The following RAB28 variants were observed in gnomAD, a reference collection of about 807,000 sequenced individuals.
The protein encoded by RAB28 is ras-related protein Rab-28.
A neutral mutation model predicts 31.7 loss-of-function variants in RAB28; 24 were observed. The ratio of observed to expected loss-of-function variants is 0.76; its 90% CI spans 0.55 to 1.06. RAB28 has a LOEUF of 1.06. RAB28 is among the 50% of genes least tolerant of loss of function. The pLI is 0.00. For synonymous variants in RAB28, 100 were observed against 90.4 expected (o/e 1.11, Z -0.60); for missense variants, 254 against 258.5 (o/e 0.98, Z 0.12).
chr4:13,468,913 T>G (rs1052017682), intron 3 of RAB28, among the ~76,000 whole-genome samples: 1 of 151,534 alleles, frequency 6.6e-6, no homozygotes, highest in African/African-American at 2.4e-5. Context: ...CCCATAGACA[T>G]TAAAAAGATA....
intron 3 of RAB28, among the ~76,000 whole-genome samples, chr4:13,471,611 CCCATATCAGTCT>C (rs1180039742): frequency 6.6e-6 from 1 of 152,000 alleles, no homozygotes; most frequent in African/African-American, 2.4e-5. Flanking sequence ...ACGTGATCCT[CCCATATCAGTCT>C]CTCAAGTAGC....
At chr4:13,385,322 G>A (rs958605193) in intron 4 of RAB28, among the ~76,000 whole-genome samples, 1 of 152,062 alleles carries the variant, frequency 6.6e-6, no homozygotes, top group Non-Finnish European at 1.5e-5. Context: ...AGCTAGAGAG[G>A]CCAACATTCA....
chr4:13,405,964 C>T (rs552604005), intron 4 of RAB28, among the ~76,000 whole-genome samples: 9 of 152,152 alleles, frequency 5.9e-5, no homozygotes, highest in African/African-American at 1.9e-4. Flanking sequence ...GAAATCCAAT[C>T]AATGGAAACT....
chr4:13,384,705 A>T (rs1043112904), intron 4 of RAB28, among the ~76,000 whole-genome samples: 2 of 152,182 alleles, frequency 1.3e-5, no homozygotes, highest in African/African-American at 4.8e-5. Flanking sequence ...ATAAAAGAAA[A>T]AAAGTCCAAA....
chr4:13,416,428 G>C (rs1327098133), intron 4 of RAB28, among the ~76,000 whole-genome samples: 1 of 152,016 alleles, frequency 6.6e-6, no homozygotes, highest in Non-Finnish European at 1.5e-5. Flanking sequence ...TCACCGCGAG[G>C]GTCCGCGGCT....
At chr4:13,412,310 C>G (rs911895198) in intron 4 of RAB28, among the ~76,000 whole-genome samples, 1 of 152,074 alleles carries the variant, frequency 6.6e-6, no homozygotes, top group African/African-American at 2.4e-5. Flanking sequence ...AGCATCAATG[C>G]TCAGATTGCT....
At chr4:13,443,236 C>T (rs934174996) in intron 4 of RAB28, among the ~76,000 whole-genome samples, 1 of 151,630 alleles carries the variant, frequency 6.6e-6, no homozygotes, top group Non-Finnish European at 1.5e-5. Flanking sequence ...TGCAGTGGCA[C>T]GATCTCGGCT....
At chr4:13,427,755 A>C (rs1290389248) in intron 4 of RAB28, among the ~76,000 whole-genome samples, 1 of 152,186 alleles carries the variant, frequency 6.6e-6, no homozygotes, top group East Asian at 1.9e-4. Context: ...GAGAGGAAGA[A>C]ACTCATTGAA....
chr4:13,378,608 T>C (rs1357734043), intron 5 of RAB28, among the ~76,000 whole-genome samples: 1 of 151,340 alleles, frequency 6.6e-6, no homozygotes, highest in Non-Finnish European at 1.5e-5. Flanking sequence ...ATCCAGTAGG[T>C]GGAAAAAAAA....
intron 4 of RAB28, among the ~76,000 whole-genome samples, chr4:13,385,568 C>A (rs1337869151): frequency 1.3e-5 from 2 of 152,100 alleles, no homozygotes; most frequent in Admixed American, 1.3e-4. Flanking sequence ...AATTCCAGCC[C>A]AGAATTTCAT....
chr4:13,467,184 TA>T (rs1018205970), intron 3 of RAB28, among the ~76,000 whole-genome samples: 1 of 151,924 alleles, frequency 6.6e-6, no homozygotes, highest in African/African-American at 2.4e-5. Flanking sequence ...GTTCTCAACA[TA>T]AAAAAGTTAT....
rs1344673669 is a variant in RAB28, at chr4:13,456,856, C to T, written c.391+3843G>A. 2.0e-5 allele frequency among the ~76,000 whole-genome samples: 3 copies of T among 152,222 alleles called. No homozygotes were observed. In the South Asian group the frequency reaches 6.2e-4, roughly 32 times the overall value. On this transcript the variant is annotated intron_variant, in intron 4 of 6. Coordinates refer to ENST00000330852, the MANE Select transcript of RAB28 (RefSeq NM_001017979.3). ...TACTCTAGTTACTCTGGATAGTTAA[C>T]CATAAAATTTAACTTTTAATAAAAA...
At chr4:13,440,894 A>C (rs565904820) in intron 4 of RAB28, among the ~76,000 whole-genome samples, 1 of 152,258 alleles carries the variant, frequency 6.6e-6, no homozygotes, top group African/African-American at 2.4e-5. Context: ...AGGAGAAGAC[A>C]GCTACGTACA....
At chr4:13,381,251 T>A (rs930422372) in intron 5 of RAB28, among the ~76,000 whole-genome samples, 5 of 152,140 alleles carry the variant, frequency 3.3e-5, no homozygotes, top group African/African-American at 1.2e-4. Flanking sequence ...TATCTCTAGA[T>A]ACTGACATTA....
intron 4 of RAB28, among the ~76,000 whole-genome samples, chr4:13,391,621 C>T (rs1560273779): frequency 6.6e-6 from 1 of 152,118 alleles, no homozygotes. Flanking sequence ...TTTATTGTGG[C>T]ACTATTCGCA....
At chr4:13,371,558 A>G in intron 6 of RAB28, 1 of 985,298 alleles carries the variant, frequency 1.0e-6, no homozygotes. Flanking sequence ...TTAATGAAGA[A>G]TTAACAAGAC....
At chr4:13,469,109 C>A (rs778603393) in intron 3 of RAB28, among the ~76,000 whole-genome samples, 5 of 151,960 alleles carry the variant, frequency 3.3e-5, no homozygotes, top group Admixed American at 6.6e-5. Context: ...AAGTTTCTGA[C>A]CACGTCAATC....
intron 2 of RAB28, among the ~76,000 whole-genome samples, chr4:13,477,929 G>C (rs1375746177): frequency 1.3e-5 from 2 of 151,506 alleles, no homozygotes; most frequent in Admixed American, 6.6e-5. Context: ...TAATATTTGA[G>C]TAGGTACTTG....
intron 4 of RAB28, among the ~76,000 whole-genome samples, chr4:13,426,106 A>C (rs1479144924): frequency 6.6e-6 from 1 of 152,220 alleles, no homozygotes; most frequent in Non-Finnish European, 1.5e-5. Context: ...AACTTGAGAT[A>C]ATATTCTAAA....
Sources: allele counts gnomAD v4.1 joint callset (sites outside exome capture counted in the v4.1 genomes callset), GRCh38; gene constraint gnomAD v4.1.1; transcripts MANE v1.5; gene names NCBI Gene and HGNC (gene_info 2026-07-23, HGNC 2026-07-21).